The following BAZ1B variants were observed in gnomAD, a reference collection of about 807,000 sequenced individuals.
The protein encoded by BAZ1B is tyrosine-protein kinase BAZ1B.
In BAZ1B, 22 loss-of-function variants were observed where a neutral mutation model predicts 153.8. The ratio of observed to expected loss-of-function variants is 0.14; its 90% CI spans 0.10 to 0.20. BAZ1B has a LOEUF of 0.20. Among genes scored for constraint, BAZ1B ranks in the 10% least tolerant of loss-of-function variants. The pLI is 1.00. For synonymous variants in BAZ1B, 676 were observed against 633.4 expected (o/e 1.07, Z -1.01); for missense variants, 1,325 against 1,799.3 (o/e 0.74, Z 4.77).
At chr7:73,512,168 T>C (rs948387062) in intron 1 of BAZ1B, among the ~76,000 whole-genome samples, 7 of 152,060 alleles carry the variant, frequency 4.6e-5, no homozygotes, top group Non-Finnish European at 1.0e-4. Context: ...CCAGTCCACC[T>C]TGGAAACATG....
rs781867382 is a variant in BAZ1B, at chr7:73,477,368, C to A, written c.2093G>T (p.Arg698Ile). ...VSELVRLCLR[R>I]SDVQEESEGS... ...CTCGCTTTCCTCCTGAACATCAGAT[C>A]TGCGCAAGCAGAGCCGCACCAGCTC... The change falls in exon 7 of 20, where the codon AGA becomes ATA. Residue 698 changes from arginine to isoleucine, a missense_variant. Transcript: ENST00000339594. The surrounding 1 kb of genome is among the most constrained non-coding windows in gnomAD (Gnocchi z 5.6). 6.2e-7 allele frequency: 1 copy of A among 1,614,126 alleles called. No homozygotes were observed. The highest frequency in any genetic ancestry group is 8.5e-7 in the Non-Finnish European group (1 of 1,180,036).
At chr7:73,447,518 C>G in intron 15 of BAZ1B, 139 bp from the exon 16 acceptor site, 1 of 1,149,108 alleles carries the variant, frequency 8.7e-7, no homozygotes, top group Non-Finnish European at 1.2e-6. Flanking sequence ...GGGAGGGAAC[C>G]TGAATGTAAG....
chr7:73,449,179 C>T (rs1554567456), intron 15 of BAZ1B, among the ~76,000 whole-genome samples: 1 of 152,064 alleles, frequency 6.6e-6, no homozygotes, highest in East Asian at 1.9e-4. Context: ...CATTATGTAT[C>T]GGTAAGGAAG....
intron 1 of BAZ1B, among the ~76,000 whole-genome samples, chr7:73,519,513 AAC>A (rs1338997318): frequency 3.3e-5 from 5 of 152,204 alleles, no homozygotes; most frequent in Non-Finnish European, 5.9e-5. Flanking sequence ...CTTTTGTTAA[AAC>A]AGTTTTAAAT....
At chr7:73,474,462 C>T (rs1487426130) in intron 7 of BAZ1B, among the ~76,000 whole-genome samples, 2 of 152,106 alleles carry the variant, frequency 1.3e-5, no homozygotes, top group African/African-American at 4.8e-5. Context: ...TTTTGTGCTT[C>T]AAATGATACT....
chr7:73,478,501 T>C lies in BAZ1B; in HGVS notation c.960A>G (p.Lys320=), dbSNP rs1789079674. 1 of 1,601,762 alleles carries C rather than the reference T, an allele frequency of 6.2e-7. No homozygotes were observed. Among genetic ancestry groups the C allele is most frequent in the African/African-American group, 1.3e-5 (1 of 74,358 alleles). The part of the protein sequence containing the change: ...TGSPDRKPSK[K]SKTDNSSLSS... ...TAAGAGAAGAGTTGTCTGTCTTGGA[T>C]TTCTTTGAGGGCTTCCTGTCTGGGG... The change falls in exon 7 of 20, where the codon AAA becomes AAG. Residue 320 remains lysine, a synonymous_variant. Transcript: ENST00000339594.
chr7:73,520,528 C>T (rs538325922), intron 1 of BAZ1B, among the ~76,000 whole-genome samples: 13 of 152,278 alleles, frequency 8.5e-5, no homozygotes, highest in African/African-American at 2.9e-4. Context: ...TCTGGGCCAA[C>T]TCAGCAAACC....
At chr7:73,473,873 G>GA (rs797042475) in intron 7 of BAZ1B, among the ~76,000 whole-genome samples, 4 of 152,288 alleles carry the variant, frequency 2.6e-5, no homozygotes, top group African/African-American at 9.6e-5. Flanking sequence ...GCCGAAGTGG[G>GA]AGGACCACTT....
At chr7:73,521,776 TACCCCGGCCC>T (rs1414397125) in intron 1 of BAZ1B, 41 bp downstream of exon 1, 105 of 1,420,572 alleles carry the variant, frequency 7.4e-5, no homozygotes, top group Admixed American at 2.3e-4. Flanking sequence ...CCCCAGGCCC[TACCCCGGCCC>T]AGCCCGGCCC....
intron 4 of BAZ1B, among the ~76,000 whole-genome samples, chr7:73,497,949 GTT>G (rs576417617): frequency 3.6e-5 from 5 of 140,678 alleles, no homozygotes; most frequent in Admixed American, 1.4e-4. Context: ...TTTGTGTTTT[GTT>G]TTTTTTTTTT....
At chr7:73,463,949 G>A (rs1554570785) in intron 11 of BAZ1B, among the ~76,000 whole-genome samples, 1 of 152,080 alleles carries the variant, frequency 6.6e-6, no homozygotes, top group Non-Finnish European at 1.5e-5. Flanking sequence ...CTTGTGATCC[G>A]CCTGCCTCTG....
At chr7:73,517,872 T>C (rs1427461580) in intron 1 of BAZ1B, among the ~76,000 whole-genome samples, 2 of 152,366 alleles carry the variant, frequency 1.3e-5, no homozygotes, top group East Asian at 3.8e-4. Flanking sequence ...GGATTGTTTC[T>C]TTCAATTAAG....
chr7:73,513,269 T>C (rs1001583821), intron 1 of BAZ1B, among the ~76,000 whole-genome samples: 6 of 152,174 alleles, frequency 3.9e-5, no homozygotes, highest in African/African-American at 1.2e-4. Context: ...TTAATAAATA[T>C]AGATGCTTGG....
chr7:73,447,362 G>C lies in BAZ1B; in HGVS notation c.3746C>G (p.Ser1249Cys), dbSNP rs782169478. 5 of 1,613,412 alleles carry C rather than the reference G, an allele frequency of 3.1e-6. No homozygotes were observed. In the South Asian group the frequency reaches 3.3e-5, roughly 11 times the overall value. ...NSRGRNYTEESASEDSEDDES... is the reference protein window; with the variant it reads ...NSRGRNYTEECASEDSEDDES... The stretch of plus-strand genomic sequence containing the variant: ...ATCATCTTCACTGTCCTCAGAAGCA[G>C]ACTCTTCAGTATAGTTCCTGTGGGT... The change falls in exon 16 of 20, where the codon TCT becomes TGT. Residue 1249 changes from serine (S) to cysteine (C), a missense_variant. Ser to Cys is a moderately radical substitution (Grantham distance 112, BLOSUM62 -1). Transcript: ENST00000339594.
At chr7:73,492,438 A>C (rs1322309108) in intron 5 of BAZ1B, among the ~76,000 whole-genome samples, 2 of 152,206 alleles carry the variant, frequency 1.3e-5, no homozygotes, top group Non-Finnish European at 2.9e-5. Flanking sequence ...CTGGGATTAC[A>C]GGCGTGAGCC....
intron 8 of BAZ1B, 68 bp from the exon 9 acceptor site, chr7:73,469,718 G>A: frequency 6.4e-7 from 1 of 1,563,532 alleles, no homozygotes; most frequent in South Asian, 1.1e-5. Flanking sequence ...TTTACTGCTG[G>A]AGAAGATAAT....
At chr7:73,499,663 C>T (rs1357041032) in intron 3 of BAZ1B, among the ~76,000 whole-genome samples, 6 of 152,216 alleles carry the variant, frequency 3.9e-5, no homozygotes, top group African/African-American at 1.4e-4. Context: ...GACAGTGCCA[C>T]CACACTCCGG....
intron 3 of BAZ1B, among the ~76,000 whole-genome samples, chr7:73,499,042 T>G (rs1482642766): frequency 6.6e-6 from 1 of 152,230 alleles, no homozygotes; most frequent in Non-Finnish European, 1.5e-5. Context: ...TATTTTTTTT[T>G]TGAGACACAG....
chr7:73,503,641 C>A (rs1454254472), intron 3 of BAZ1B, among the ~76,000 whole-genome samples: 10 of 152,200 alleles, frequency 6.6e-5, no homozygotes, highest in Non-Finnish European at 1.2e-4. Context: ...TCCCAAAGTA[C>A]TGGGATTACA....
Sources: gnomAD v4.1 joint callset for allele counts (sites outside exome capture counted in the v4.1 genomes callset) on GRCh38, gnomAD v4.1.1 for gene constraint, Gnocchi (gnomAD v3.1) non-coding constraint, MANE v1.5 for transcripts, NCBI Gene and HGNC (gene_info 2026-07-23, HGNC 2026-07-21) for gene names.